The following ACCS variants were observed in gnomAD, a reference collection of about 807,000 sequenced individuals.
ACCS encodes 1-aminocyclopropane-1-carboxylate synthase-like protein 1.
A neutral mutation model predicts 59.8 loss-of-function variants in ACCS; 42 were observed. The ratio of observed to expected loss-of-function variants is 0.70; its 90% CI spans 0.55 to 0.91. The LOEUF (loss-of-function observed/expected upper bound fraction) is 0.91, where lower values mean the gene tolerates loss of function less well. Ranked by LOEUF, ACCS falls within the 40% of genes least tolerant of loss-of-function variation. ACCS has a pLI of 0.00. For missense variants in ACCS, 602 were observed against 630.4 expected (o/e 0.95, Z 0.48); for synonymous variants, 230 against 240.3 (o/e 0.96, Z 0.40).
chr11:44,075,598 T>G lies in ACCS; in HGVS notation c.556+6T>G. 4 of 1,613,840 alleles carry G rather than the reference T, an allele frequency of 2.5e-6. No homozygotes were observed. Among genetic ancestry groups the G allele is most frequent in the South Asian group, 1.1e-5 (1 of 91,080 alleles). On this transcript the variant is annotated splice_donor_region_variant and intron_variant, in intron 6 of 14. Transcript: ENST00000263776. ...GGTGCTGTGTGAGGCCGGGGGTAAG[T>G]GAGCTCTGTGGCCTGCCCCGCACTG... is the stretch of plus-strand genomic sequence containing the variant.
At position 44,083,730 on chromosome 11, in the gene ACCS, TC is replaced by T. The variant is rs745860481; in HGVS notation, c.1447del (p.Gln483LysfsTer45). On this transcript the variant is annotated frameshift_variant, in exon 15 of 15. Coordinates refer to ENST00000263776, the MANE Select transcript of ACCS (RefSeq NM_032592.4). LOFTEE classifies it low-confidence loss of function (END_TRUNC). ...GGTCCAGCAGGTGCTTGCAGGCAAA[TC>T]CCAAGTGGCAGAAGACCCCCGTCCC... ...QRVQQVLAGKSQVAEDPRPSQ... is the reference protein window; with the variant it reads ...QRVQQVLAGKXQVAEDPRPSQ... The T allele has an allele frequency of 1.1e-5, 18 of 1,613,922 alleles. No homozygotes were observed. In the African/African-American group the frequency reaches 2.4e-4, roughly 22 times the overall value.
Position 44,083,784 on chromosome 11 carries a change from C to G in ACCS, c.1498C>G (p.Arg500Gly). 6.2e-7 allele frequency: 1 copy of G among 1,610,284 alleles called. No homozygotes were observed. ...TCAGAGCCAGGAGCCAAGTGACCAA[C>G]GCAGGTGAGCTGGTCATTGTCTCGT... ...PSQSQEPSDQ[R>G]R The change falls in exon 15 of 15, where the codon CGC (arginine) becomes GGC (glycine). Residue 500 changes from arginine to glycine, a missense_variant. Coordinates refer to ENST00000263776, the MANE Select transcript of ACCS (RefSeq NM_032592.4).
chr11:44,083,636 T>G, intron 14 of ACCS, 59 bp downstream of exon 14: 1 of 1,614,152 alleles, frequency 6.2e-7, no homozygotes, highest in Non-Finnish European at 8.5e-7. Context: ...GGCCTCCGCT[T>G]GTTTGTCCCC....
At chr11:44,083,641 G>T (rs1953741628) in intron 14 of ACCS, 54 bp from the exon 15 acceptor site, 7 of 1,614,046 alleles carry the variant, frequency 4.3e-6, no homozygotes. Context: ...CCGCTTGTTT[G>T]TCCCCACCCA....
Position 44,074,669 on chromosome 11 carries a change from C to T in ACCS, c.477C>T (p.Leu159=). The T allele has an allele frequency of 6.2e-7, 1 of 1,612,270 alleles. No homozygotes were observed. The highest frequency in any genetic ancestry group is 8.5e-7 in the Non-Finnish European group (1 of 1,179,142). Residue 159 remains leucine, a synonymous_variant, in exon 5 of 15, where the codon CTC becomes CTT. Transcript: ENST00000263776. The part of the protein sequence containing the change: ...LSFYCKSPVP[L]RPENVVVLNG... ...TCTACTGCAAGAGCCCAGTACCCCT[C>T]AGACCAGAGAATGTGAGTGGCCCCC...
Position 44,084,098 on chromosome 11 carries a change from G to A in ACCS, c.*306G>A. The A allele has an allele frequency of 3.3e-6, 1 of 306,020 alleles. No homozygotes were observed. Among genetic ancestry groups the A allele is most frequent in the Middle Eastern group, 1.0e-3 (1 of 982 alleles). 19.0% of individuals were successfully genotyped at this position (306,020 alleles called of 1,614,324 possible). A position where few individuals can be genotyped will look rare whatever the true frequency, so the allele number is the denominator to read the frequency against. On this transcript the variant is annotated 3_prime_UTR_variant, in exon 15 of 15. Transcript: ENST00000263776. Reference sequence around the variant, plus strand: ...CCAGAGCCTCAGCCCCCCTGAGGATGTGAAAAGAAAACAAACAACTTGTAC... The same window carrying A: ...CCAGAGCCTCAGCCCCCCTGAGGATATGAAAAGAAAACAAACAACTTGTAC...
chr11:44,076,460 A>G (rs1953365797), intron 6 of ACCS, among the ~76,000 whole-genome samples: 1 of 152,230 alleles, frequency 6.6e-6, no homozygotes, highest in Non-Finnish European at 1.5e-5. Flanking sequence ...TGTCAAAGTC[A>G]CACAAAGAGA....
At position 44,067,883 on chromosome 11, in the gene ACCS, A is replaced by G. The variant is rs776308998; in HGVS notation, c.256A>G (p.Met86Val). The change falls in exon 2 of 15, where the codon ATG (methionine) becomes GTG (valine). Residue 86 changes from methionine to valine, a missense_variant. Coordinates refer to ENST00000263776, the MANE Select transcript of ACCS (RefSeq NM_032592.4). ...TGAGGAGGGCTACAGGACCTACCAC[A>G]TGGATGAGTATGATGAGGACAAGAA... ...SAEEGYRTYH[M>V]DEYDEDKNPS... is the part of the protein sequence containing the mutation. The G allele has an allele frequency of 6.8e-5, 109 of 1,611,490 alleles. No homozygotes were observed. In the Admixed American group the frequency reaches 7.4e-4, roughly 11 times the overall value.
rs201913048 is a variant in ACCS at position 44,081,175 on chromosome 11, G to A, written c.970-4G>A. ...GCCACCGCCTAGGGTGCTTCTTCCT[G>A]CAGGACTTCGGGATGTCTGGGCTCC... is the stretch of plus-strand genomic sequence containing the variant. On this transcript the variant is annotated splice_polypyrimidine_tract_variant and splice_region_variant and intron_variant, in intron 11 of 14. Coordinates refer to ENST00000263776, the MANE Select transcript of ACCS (RefSeq NM_032592.4). 6.2e-7 allele frequency: 1 copy of A among 1,614,218 alleles called. No homozygotes were observed. The highest frequency in any genetic ancestry group is 8.5e-7 in the Non-Finnish European group (1 of 1,180,032).
In ACCS at chr11:44,083,185, G is replaced by A; in HGVS notation, c.1128G>A (p.Val376=). ...LLRDRDWINQ[V]YLPENHARLK... Reference sequence around the variant, plus strand: ...CCCAAACAGACTGGATCAACCAGGTGTACCTGCCGGAAAACCATGCCCGGC... The same window carrying A: ...CCCAAACAGACTGGATCAACCAGGTATACCTGCCGGAAAACCATGCCCGGC... The change falls in exon 13 of 15, where the codon GTG becomes GTA. Residue 376 remains valine, a synonymous_variant. Transcript: ENST00000263776. The A allele has an allele frequency of 3.1e-6, 5 of 1,614,196 alleles. No homozygotes were observed. Among genetic ancestry groups the A allele is most frequent in the Non-Finnish European group, 4.2e-6 (5 of 1,180,022 alleles).
chr11:44,067,967 GT>G, intron 2 of ACCS, 52 bp downstream of exon 2: 1 of 1,533,210 alleles, frequency 6.5e-7, no homozygotes, highest in Non-Finnish European at 8.8e-7. Flanking sequence ...GCAGGGTGGG[GT>G]ACCCTACCTT....
At chr11:44,077,173 G>T in intron 6 of ACCS, 106 bp from the exon 7 acceptor site, 1 of 1,278,012 alleles carries the variant, frequency 7.8e-7, no homozygotes, top group Non-Finnish European at 1.1e-6. Flanking sequence ...GCCCCAAACG[G>T]TCCCCAAAGA....
Position 44,078,169 on chromosome 11 carries a change from G to C in ACCS, c.732+247G>C, listed in dbSNP as rs1031071989. The stretch of plus-strand genomic sequence containing the variant: ...GAATCAACCAGGGAGCATCACTAAA[G>C]ATACCCCCATCCCTGATCCATCTGA... On this transcript the variant is annotated intron_variant, in intron 8 of 14. Coordinates refer to ENST00000263776, the MANE Select transcript of ACCS (RefSeq NM_032592.4). The C allele has an allele frequency of 4.2e-5, 22 of 520,728 alleles. No individual in the cohort carries two copies. In the South Asian group the frequency reaches 6.0e-4, roughly 14 times the overall value. The allele number at this position is 520,728 out of a possible 1,614,324, so 32.3% of individuals were successfully genotyped here.
At position 44,069,301 on chromosome 11, in the gene ACCS, C is replaced by A. The variant is rs181236872; in HGVS notation, c.288+1386C>A. Among the ~76,000 whole-genome samples, 563 of 151,976 alleles carry A rather than the reference C, an allele frequency of 3.7e-3. 3 individuals carry two copies. Among genetic ancestry groups the A allele is most frequent in the African/African-American group, 0.013 (531 of 41,442 alleles). On this transcript the variant is annotated intron_variant, in intron 2 of 14. Transcript: ENST00000263776. ...GTGGCATGATCTCGGATCACTGCAA[C>A]CTCTGCCTCCCGGGTTCAAGGGATT...
chr11:44,068,853 A>G (rs147950331), intron 2 of ACCS, among the ~76,000 whole-genome samples: 185 of 152,362 alleles, frequency 1.2e-3, no homozygotes, highest in African/African-American at 4.3e-3. Flanking sequence ...TGTAGATGTG[A>G]ACAGAAACAA....
At chr11:44,078,573 A>G (rs1004701031) in intron 8 of ACCS, 111 bp from the exon 9 acceptor site, 4 of 772,162 alleles carry the variant, frequency 5.2e-6, no homozygotes, top group Non-Finnish European at 8.6e-6. Context: ...TGTTATGAAC[A>G]TGTCCCCCTC....
At chr11:44,081,395 A>C (rs542427920) in intron 12 of ACCS, 75 bp downstream of exon 12, 23 of 1,575,808 alleles carry the variant, frequency 1.5e-5, no homozygotes, top group Non-Finnish European at 1.8e-5. Context: ...GGAATCATAG[A>C]TACTTCTCCT....
chr11:44,080,568 T>C (rs1444850224), intron 10 of ACCS: 3 of 187,636 alleles, frequency 1.6e-5, no homozygotes, highest in South Asian at 1.1e-4. Flanking sequence ...CCTTCTTGTG[T>C]AGAACTTTAA....
chr11:44,072,650 G>A (rs1440875492), intron 3 of ACCS, among the ~76,000 whole-genome samples: 2 of 151,716 alleles, frequency 1.3e-5, no homozygotes, highest in Non-Finnish European at 2.9e-5. Flanking sequence ...GACCATTTTA[G>A]CATGTCATCA....
Sources: allele counts gnomAD v4.1 joint callset (sites outside exome capture counted in the v4.1 genomes callset), GRCh38; gene constraint gnomAD v4.1.1; transcripts MANE v1.5; gene names NCBI Gene and HGNC (gene_info 2026-07-23, HGNC 2026-07-21).